The following PPP2R5E variants were observed in gnomAD, a reference collection of about 807,000 sequenced individuals.
PPP2R5E encodes protein phosphatase 2 regulatory subunit B'epsilon, also known as serine/threonine-protein phosphatase 2A 56 kDa regulatory subunit epsilon isoform.
In PPP2R5E, 4 loss-of-function variants were observed where a neutral mutation model predicts 65.3. The ratio of observed to expected loss-of-function variants is 0.06; its 90% CI spans 0.03 to 0.14. The LOEUF is 0.14. Among genes scored for constraint, PPP2R5E ranks in the 10% least tolerant of loss-of-function variants. The pLI, the probability that PPP2R5E is intolerant of heterozygous loss-of-function variation, is 1.00. For missense variants in PPP2R5E, 274 were observed against 556.1 expected (o/e 0.49, Z 5.10); for synonymous variants, 183 against 187.4 (o/e 0.98, Z 0.19).
intron 2 of PPP2R5E, among the ~76,000 whole-genome samples, chr14:63,482,674 C>G (rs1201151999): frequency 6.6e-6 from 1 of 152,172 alleles, no homozygotes; most frequent in Admixed American, 6.5e-5. Context: ...GTAAACCAGA[C>G]TGTTAACAAA....
intron 2 of PPP2R5E, among the ~76,000 whole-genome samples, chr14:63,470,889 T>C (rs549054640): frequency 1.3e-5 from 2 of 152,286 alleles, no homozygotes; most frequent in East Asian, 1.9e-4. Context: ...TTCTGAAATT[T>C]TGACAATCTA....
chr14:63,472,884 G>A (rs1446586250), intron 2 of PPP2R5E, among the ~76,000 whole-genome samples: 4 of 152,290 alleles, frequency 2.6e-5, no homozygotes, highest in African/African-American at 7.2e-5. Flanking sequence ...CAGAAATGTG[G>A]GACAGGAGCA....
chr14:63,512,085 A>T (rs1322526287), intron 2 of PPP2R5E, among the ~76,000 whole-genome samples: 2 of 148,814 alleles, frequency 1.3e-5, no homozygotes, highest in Admixed American at 6.6e-5. Flanking sequence ...CGGTAAAAAA[A>T]AAAAAAAAAA....
At chr14:63,488,188 TTC>T (rs1207128543) in intron 2 of PPP2R5E, among the ~76,000 whole-genome samples, 2 of 147,612 alleles carry the variant, frequency 1.4e-5, no homozygotes, top group African/African-American at 5.3e-5. Flanking sequence ...TTAATAAATA[TTC>T]TTTCAGTGAA....
At position 63,453,897 on chromosome 14, in the gene PPP2R5E, A is replaced by G; in HGVS notation, c.158-12T>C. The G allele has an allele frequency of 6.9e-7, 1 of 1,451,282 alleles. No individual in the cohort carries two copies. Among genetic ancestry groups the G allele is most frequent in the Non-Finnish European group, 9.1e-7 (1 of 1,098,290 alleles). 89.9% of individuals were successfully genotyped at this position (1,451,282 alleles called of 1,614,324 possible). A position where few individuals can be genotyped will look rare whatever the true frequency, so the allele number is the denominator to read the frequency against. ...TGAGGATGGAACGTCTAAGAAAAAA[A>G]AAGGAAATGGTGTAAGTCTGTCATC... is the stretch of plus-strand genomic sequence containing the variant. On this transcript the variant is annotated splice_polypyrimidine_tract_variant and intron_variant, in intron 2 of 13. Transcript: ENST00000337537.
At position 63,374,111 on chromosome 14, in the gene PPP2R5E, AT is replaced by A. The variant is rs1161299309; in HGVS notation, c.*1897del. 7 of 148,362 alleles carry A rather than the reference AT, an allele frequency of 4.7e-5. No homozygotes were observed. Among genetic ancestry groups the A allele is most frequent in the African/African-American group, 1.7e-4 (7 of 40,370 alleles). 9.2% of individuals were successfully genotyped at this position (148,362 alleles called of 1,614,324 possible). A position where few individuals can be genotyped will look rare whatever the true frequency, so the allele number is the denominator to read the frequency against. On this transcript the variant is annotated 3_prime_UTR_variant, in exon 14 of 14. Coordinates refer to ENST00000337537, the MANE Select transcript of PPP2R5E (RefSeq NM_006246.5). ...TTTTTTTTTCTTTTTGGAATTAACA[AT>A]GCCAGTTTTGTTTGTTTTTTTACAA...
intron 2 of PPP2R5E, among the ~76,000 whole-genome samples, chr14:63,530,187 A>G (rs558734203): frequency 1.3e-5 from 2 of 151,446 alleles, no homozygotes; most frequent in African/African-American, 4.9e-5. Context: ...ACACTGTCCC[A>G]ACCAGAAATC....
At chr14:63,492,913 T>C (rs1369909990) in intron 2 of PPP2R5E, among the ~76,000 whole-genome samples, 1 of 152,110 alleles carries the variant, frequency 6.6e-6, no homozygotes, top group African/African-American at 2.4e-5. Flanking sequence ...TATAGCCTCA[T>C]AGAAGATACC....
At chr14:63,411,810 C>T (rs1454119085) in intron 5 of PPP2R5E, among the ~76,000 whole-genome samples, 2 of 152,086 alleles carry the variant, frequency 1.3e-5, no homozygotes, top group African/African-American at 4.8e-5. Context: ...TAGTGCCATG[C>T]TTCGTGTACA....
intron 2 of PPP2R5E, among the ~76,000 whole-genome samples, chr14:63,487,728 C>G (rs1180717676): frequency 6.6e-6 from 1 of 152,144 alleles, no homozygotes; most frequent in Non-Finnish European, 1.5e-5. Flanking sequence ...TATGTATTTC[C>G]TCTGTCAAAG....
In PPP2R5E at chr14:63,501,919, C is replaced by T. The variant is rs528918811; in HGVS notation, c.157+37610G>A. On this transcript the variant is annotated intron_variant, in intron 2 of 13. Transcript: ENST00000337537. ...GTTAATTTTTTATTTTTTTGAGACA[C>T]GGTTTTATTCTGTCAGCCTGGCTGG... Among the ~76,000 whole-genome samples, 3 of 152,066 alleles carry T rather than the reference C, an allele frequency of 2.0e-5. No individual in the cohort carries two copies. In the East Asian group the frequency reaches 5.8e-4, roughly 29 times the overall value.
intron 2 of PPP2R5E, among the ~76,000 whole-genome samples, chr14:63,487,173 G>A (rs750544875): frequency 4.6e-5 from 7 of 152,130 alleles, no homozygotes; most frequent in African/African-American, 7.2e-5. Flanking sequence ...GTTATTTGTC[G>A]AGAAAAGTAA....
At chr14:63,458,786 T>C (rs557874238) in intron 2 of PPP2R5E, among the ~76,000 whole-genome samples, 1 of 152,294 alleles carries the variant, frequency 6.6e-6, no homozygotes, top group African/African-American at 2.4e-5. Flanking sequence ...ATTTATAATA[T>C]CATTCAATGA....
At chr14:63,513,886 T>C (rs1466141329) in intron 2 of PPP2R5E, among the ~76,000 whole-genome samples, 5 of 152,120 alleles carry the variant, frequency 3.3e-5, no homozygotes, top group Admixed American at 2.6e-4. Flanking sequence ...GACTAGAATA[T>C]CACACTCTCT....
intron 2 of PPP2R5E, among the ~76,000 whole-genome samples, chr14:63,456,993 A>G (rs532752950): frequency 6.6e-6 from 1 of 152,362 alleles, no homozygotes; most frequent in South Asian, 2.1e-4. Context: ...CACAGTCAAG[A>G]TGAACCAAAA....
At position 63,522,516 on chromosome 14, in the gene PPP2R5E, C is replaced by T. The variant is rs1381093712; in HGVS notation, c.157+17013G>A. On this transcript the variant is annotated intron_variant, in intron 2 of 13. Transcript: ENST00000337537. ...GAAGTGAGAAACGCCTCTTCCCGGC[C>T]GCCATCCCATCTAGGAAGTGAGGAG... Among the ~76,000 whole-genome samples the T allele has an allele frequency of 8.3e-4, 126 of 151,702 alleles. No individual in the cohort carries two copies. In the East Asian group the frequency reaches 0.014, roughly 17 times the overall value.
intron 2 of PPP2R5E, among the ~76,000 whole-genome samples, chr14:63,495,065 C>T (rs1891478567): frequency 6.7e-6 from 1 of 149,546 alleles, no homozygotes; most frequent in Non-Finnish European, 1.5e-5. Flanking sequence ...TTAGCTGGCC[C>T]AGAGGCATGC....
chr14:63,397,507 A>G (rs2139805752), intron 5 of PPP2R5E, among the ~76,000 whole-genome samples: 1 of 143,750 alleles, frequency 7.0e-6, no homozygotes, highest in East Asian at 2.0e-4. Flanking sequence ...GTCTTTAAAA[A>G]AAAAAAAAAA....
At chr14:63,535,026 C>G (rs376393687) in intron 2 of PPP2R5E, among the ~76,000 whole-genome samples, 1 of 152,206 alleles carries the variant, frequency 6.6e-6, no homozygotes, top group East Asian at 1.9e-4. Flanking sequence ...TCCTAACACA[C>G]AGATACGGAA....
Sources: allele counts gnomAD v4.1 joint callset (sites outside exome capture counted in the v4.1 genomes callset), GRCh38; gene constraint gnomAD v4.1.1; transcripts MANE v1.5; gene names NCBI Gene and HGNC (gene_info 2026-07-23, HGNC 2026-07-21).